The following ANK3 variants were observed in gnomAD, a reference collection of about 807,000 sequenced individuals.
ANK3 encodes ankyrin-3.
A neutral mutation model predicts 370.9 loss-of-function variants in ANK3; 57 were observed. The ratio of observed to expected loss-of-function variants is 0.15; its 90% CI spans 0.12 to 0.19. The LOEUF is 0.19. Ranked by LOEUF, ANK3 falls within the 10% of genes least tolerant of loss-of-function variation. The pLI is 1.00. For synonymous variants in ANK3, 1,929 were observed against 1,946.3 expected, an observed-to-expected ratio of 0.99 and a Z score of 0.23; for missense variants, 4,439 against 5,302.1, an observed-to-expected ratio of 0.84 and a Z score of 5.06.
At chr10:60,035,003 T>C (rs2074586245) in intron 43 of ANK3, among the ~76,000 whole-genome samples, 1 of 135,172 alleles carries the variant, frequency 7.4e-6, no homozygotes, top group African/African-American at 3.0e-5. Flanking sequence ...GATTAAAAAG[T>C]ATCTTAAGTC....
intron 2 of ANK3, among the ~76,000 whole-genome samples, chr10:60,602,808 T>C (rs930045531): frequency 2.0e-5 from 3 of 152,184 alleles, no homozygotes; most frequent in African/African-American, 4.8e-5. Context: ...ATCAAAAATA[T>C]ACCTGGTGTT....
intron 4 of ANK3, among the ~76,000 whole-genome samples, chr10:60,272,767 C>G (rs984846250): frequency 3.9e-4 from 58 of 149,204 alleles, no homozygotes; most frequent in Non-Finnish European, 7.8e-4. Context: ...CATGAGCCAC[C>G]ACACCCACCT....
Position 60,068,954 on chromosome 10 carries a change from G to A in ANK3, c.11927C>T (p.Thr3976Ile), listed in dbSNP as rs765969303. ...AACTTTAACTGTGCAGCTGGTGGTG[G>A]TGGTAGTGGTGGTAGTGGTGGTGGT... Reference protein sequence around the residue: ...ATTTTTTTTTTTTSCTVKVRK... With the variant: ...ATTTTTTTTTITTSCTVKVRK... The change falls in exon 37 of 44, where the codon ACC (threonine) becomes ATC (isoleucine). Residue 3976 changes from threonine (T) to isoleucine (I), a missense_variant. By Grantham distance (89) the Thr-to-Ile change is moderately conservative. Around this residue, in one of 13 missense-constraint regions of ANK3, gnomAD observed 496 missense variants for 529.3 expected, o/e 0.94. Coordinates refer to ENST00000280772, the MANE Select transcript of ANK3 (RefSeq NM_020987.5). 2.5e-6 allele frequency: 4 copies of A among 1,613,664 alleles called. No individual in the cohort carries two copies. The highest frequency in any genetic ancestry group is 3.4e-6 in the Non-Finnish European group (4 of 1,179,818).
chr10:60,651,114 T>C (rs910772725), intron 1 of ANK3, among the ~76,000 whole-genome samples: 2 of 152,118 alleles, frequency 1.3e-5, no homozygotes, highest in Non-Finnish European at 2.9e-5. Flanking sequence ...TAGATATTGT[T>C]TTATATATAT....
chr10:60,595,806 AG>A lies in ANK3; in HGVS notation c.96+19379del, dbSNP rs750358109. ...GAACAAGGGTAGCTTGATAATTAAA[AG>A]CAAGATGGAGTTGGTTAGGTGAGAT... On this transcript the variant is annotated intron_variant, in intron 2 of 43. Coordinates refer to the ANK3 transcript ENST00000373827. Among the ~76,000 whole-genome samples the A allele has an allele frequency of 4.5e-4, 69 of 152,236 alleles. 1 individual carries two copies. Among genetic ancestry groups the A allele is most frequent in the Non-Finnish European group, 1.3e-4 (9 of 68,034 alleles).
chr10:60,684,230 G>C lies in ANK3; in HGVS notation c.57+49033C>G, dbSNP rs1387616824. On this transcript the variant is annotated intron_variant, in intron 1 of 43. Transcript: ENST00000373827. ...GGTAGTGATTAGGGGCGCGCAGGCAGGGGGTGGGGTCTGTTGCGTGGAGCT... is the reference window on the plus strand; with the variant it reads ...GGTAGTGATTAGGGGCGCGCAGGCACGGGGTGGGGTCTGTTGCGTGGAGCT... 3.3e-5 allele frequency among the ~76,000 whole-genome samples: 5 copies of C among 152,174 alleles called. No homozygotes were observed. The South Asian group carries it at 8.3e-4, about 25-fold the overall frequency.
intron 43 of ANK3, among the ~76,000 whole-genome samples, chr10:60,030,459 A>G: frequency 6.6e-6 from 1 of 152,078 alleles, no homozygotes; most frequent in East Asian, 1.9e-4. Flanking sequence ...TTTATGTAAC[A>G]AAGTTGTGAG....
chr10:60,135,528 G>T (rs1332321035), intron 24 of ANK3, among the ~76,000 whole-genome samples: 2 of 152,226 alleles, frequency 1.3e-5, no homozygotes, highest in Non-Finnish European at 2.9e-5. Flanking sequence ...TTTAGGTGTA[G>T]GGGACAAGGA....
At chr10:60,291,059 A>G (rs2041262985) in intron 1 of ANK3, among the ~76,000 whole-genome samples, 1 of 152,068 alleles carries the variant, frequency 6.6e-6, no homozygotes, top group South Asian at 2.1e-4. Flanking sequence ...TCTCTTGGAG[A>G]CTGATTAGCA....
rs538427668 is a variant in ANK3, at chr10:60,026,913, A to G, written c.*2933T>C. The G allele has an allele frequency of 2.6e-4, 40 of 152,346 alleles. No individual in the cohort carries two copies. Among genetic ancestry groups the G allele is most frequent in the Non-Finnish European group, 4.9e-4 (33 of 68,034 alleles). The allele number at this position is 152,346 out of a possible 1,614,324, so 9.4% of individuals were successfully genotyped here. A position where few individuals can be genotyped will look rare whatever the true frequency, so the allele number is the denominator to read the frequency against. On this transcript the variant is annotated 3_prime_UTR_variant, in exon 44 of 44. Coordinates refer to ENST00000280772, the MANE Select transcript of ANK3 (RefSeq NM_020987.5). ...GTCAATCAATGAAAAGCTTAAATAC[A>G]TATTTATAAGCTGGCAGGCCAAATA...
At chr10:60,710,624 A>T (rs1029081954) in intron 1 of ANK3, among the ~76,000 whole-genome samples, 2 of 152,206 alleles carry the variant, frequency 1.3e-5, no homozygotes, top group African/African-American at 2.4e-5. Flanking sequence ...ATTTTTTAAA[A>T]CAAGCCATAT....
intron 1 of ANK3, among the ~76,000 whole-genome samples, chr10:60,302,949 A>G (rs1046744298): frequency 6.6e-6 from 1 of 152,236 alleles, no homozygotes; most frequent in African/African-American, 2.4e-5. Flanking sequence ...CCAAGAATGC[A>G]CAATGGGCAA....
At chr10:60,494,726 A>G (rs2075609886) in intron 2 of ANK3, among the ~76,000 whole-genome samples, 1 of 152,208 alleles carries the variant, frequency 6.6e-6, no homozygotes, top group South Asian at 2.1e-4. Context: ...AGACGTATAC[A>G]CTTTAAAATT....
chr10:60,662,129 T>A (rs1054509582), intron 1 of ANK3, among the ~76,000 whole-genome samples: 1 of 152,196 alleles, frequency 6.6e-6, no homozygotes, highest in Non-Finnish European at 1.5e-5. Context: ...TTTTTATCTA[T>A]GACTACTATT....
chr10:60,253,372 C>T (rs1341999445), intron 7 of ANK3, among the ~76,000 whole-genome samples: 1 of 152,164 alleles, frequency 6.6e-6, no homozygotes, highest in Non-Finnish European at 1.5e-5. Flanking sequence ...CCCCTCACTC[C>T]ACTGTCACTT....
At chr10:60,194,979 G>A (rs1409880527) in intron 16 of ANK3, among the ~76,000 whole-genome samples, 3 of 152,178 alleles carry the variant, frequency 2.0e-5, no homozygotes, top group Non-Finnish European at 4.4e-5. Flanking sequence ...GGTATCTAAA[G>A]TAATCTAGAA....
At chr10:60,092,955 C>T (rs915044242) in intron 28 of ANK3, among the ~76,000 whole-genome samples, 17 of 152,160 alleles carry the variant, frequency 1.1e-4, no homozygotes, top group African/African-American at 4.1e-4. Flanking sequence ...AGGCTGGTCT[C>T]GAACTCCTGA....
chr10:60,346,888 C>T (rs2055648891), intron 1 of ANK3, among the ~76,000 whole-genome samples: 1 of 151,974 alleles, frequency 6.6e-6, no homozygotes, highest in African/African-American at 2.4e-5. Context: ...ACCCTTTACT[C>T]AACCACTATT....
intron 1 of ANK3, among the ~76,000 whole-genome samples, chr10:60,639,563 C>T (rs1386548518): frequency 6.6e-6 from 1 of 151,176 alleles, no homozygotes; most frequent in East Asian, 1.9e-4. Flanking sequence ...ATGTAATAAC[C>T]TCATAAAACA....
Sources: gnomAD v4.1 joint callset for allele counts (sites outside exome capture counted in the v4.1 genomes callset) on GRCh38, gnomAD v4.1.1 for gene constraint, gnomAD v4.1.1 regional missense constraint, MANE v1.5 for transcripts, NCBI Gene and HGNC (gene_info 2026-07-23, HGNC 2026-07-21) for gene names.